Variants in DCDC2C observed in about 807,000 individuals in gnomAD.
The protein encoded by DCDC2C is doublecortin domain-containing protein 2C.
DCDC2C carries 44 observed loss-of-function variants against 45.0 expected under a neutral mutation model. The observed-to-expected ratio is 0.98, with a 90% confidence interval of 0.77 to 1.26. The LOEUF (loss-of-function observed/expected upper bound fraction) is 1.26. Among genes scored for constraint, DCDC2C ranks in the 50% most tolerant of loss-of-function variants. DCDC2C has a pLI of 0.00. For synonymous variants in DCDC2C, 187 were observed against 178.8 expected (o/e 1.05, Z -0.37); for missense variants, 447 against 468.9 (o/e 0.95, Z 0.43).
intron 4 of DCDC2C, among the ~76,000 whole-genome samples, chr2:3,747,642 C>T (rs1208905866): frequency 6.6e-6 from 1 of 152,240 alleles, no homozygotes; most frequent in African/African-American, 2.4e-5. Context: ...TGTGGCCTGA[C>T]CTCGCCCATC....
intron 10 of DCDC2C, among the ~76,000 whole-genome samples, chr2:3,840,848 G>A (rs768728816): frequency 6.6e-5 from 10 of 152,194 alleles, no homozygotes; most frequent in Admixed American, 2.0e-4. Context: ...TGTCCGCCGC[G>A]AGGCCCCGTG....
rs1667952073 is a variant in DCDC2C at position 3,703,973 on chromosome 2, G to A, written c.222G>A (p.Gly74=). ...CCACGCGTGGGCACCGGGTGCTGGG[G>A]CTGGACGCGCTGCAGGCGGGCGGCA... ...FTPTRGHRVL[G]LDALQAGGKY... is the part of the protein sequence containing the mutation. The change falls in exon 1 of 11, where the codon GGG becomes GGA. Residue 74 remains glycine, a synonymous_variant. Transcript: ENST00000399143. The surrounding 1 kb of genome is among the most constrained non-coding windows in gnomAD (Gnocchi z 4.4). 4.6e-6 allele frequency: 6 copies of A among 1,303,556 alleles called. No homozygotes were observed. The highest frequency in any genetic ancestry group is 3.1e-5 in the African/African-American group (2 of 64,758). 80.7% of individuals were successfully genotyped at this position (1,303,556 alleles called of 1,614,324 possible).
intron 3 of DCDC2C, among the ~76,000 whole-genome samples, chr2:3,738,540 G>GGAAAAA (rs1553373461): frequency 1.4e-5 from 1 of 72,010 alleles, no homozygotes; most frequent in African/African-American, 5.5e-5. Flanking sequence ...GTCTATCTGG[G>GGAAAAA]AAAAAAAAAA....
At chr2:3,711,975 A>G (rs6727762) in intron 2 of DCDC2C, among the ~76,000 whole-genome samples, 4,175 of 152,120 alleles carry the variant, frequency 0.027, 179 homozygotes, top group African/African-American at 0.095. Context: ...TCCTGCCCCC[A>G]TTTCCTTTTG....
At chr2:3,711,871 A>G (rs1441473425) in intron 2 of DCDC2C, among the ~76,000 whole-genome samples, 1 of 152,232 alleles carries the variant, frequency 6.6e-6, no homozygotes, top group African/African-American at 2.4e-5. Flanking sequence ...TGCTTCTGAC[A>G]GCGTGTGAGA....
rs1262316472 is a variant in DCDC2C at position 3,829,291 on chromosome 2, T to C, written c.1066-17863T>C. Among the ~76,000 whole-genome samples the C allele has an allele frequency of 1.3e-4, 19 of 151,654 alleles. 1 individual carries two copies. The highest frequency in any genetic ancestry group is 8.5e-4 in the Admixed American group (13 of 15,252). On this transcript the variant is annotated intron_variant, in intron 10 of 10. Transcript: ENST00000399143. ...TTCATTAGATGTCTTTTTCTTTTTT[T>C]TTTTTTTTTGCATTGATTTTAGTCA...
intron 10 of DCDC2C, among the ~76,000 whole-genome samples, chr2:3,788,073 C>T (rs937701370): frequency 6.6e-6 from 1 of 152,234 alleles, no homozygotes; most frequent in Non-Finnish European, 1.5e-5. Context: ...TGGATGTCAT[C>T]TGCTCTGAAT....
chr2:3,751,918 C>T (rs1249514591), intron 4 of DCDC2C, among the ~76,000 whole-genome samples: 1 of 152,164 alleles, frequency 6.6e-6, no homozygotes, highest in African/African-American at 2.4e-5. Flanking sequence ...AATTCAAGGC[C>T]CTTTGGAAAC....
At position 3,744,638 on chromosome 2, in the gene DCDC2C, T is replaced by A. The variant is rs576357193; in HGVS notation, c.545+2590T>A. Among the ~76,000 whole-genome samples the A allele has an allele frequency of 2.6e-5, 4 of 152,354 alleles. No homozygotes were observed. The East Asian group carries it at 5.8e-4, about 22-fold the overall frequency. ...AGCAGAAACAGTTAATCCTGCCTTA[T>A]GCTTTTGTCAGTTAACTCTCCTTTG... is the stretch of plus-strand genomic sequence containing the variant. On this transcript the variant is annotated intron_variant, in intron 4 of 10. Coordinates refer to ENST00000399143, the MANE Select transcript of DCDC2C (RefSeq NM_001287444.2).
At chr2:3,826,293 C>A (rs1042493305) in intron 10 of DCDC2C, among the ~76,000 whole-genome samples, 2 of 152,170 alleles carry the variant, frequency 1.3e-5, no homozygotes, top group African/African-American at 4.8e-5. Context: ...TAAAGTTTTT[C>A]ATGGCTCTTT....
chr2:3,716,299 A>G (rs1043700974), intron 2 of DCDC2C, among the ~76,000 whole-genome samples: 5 of 152,190 alleles, frequency 3.3e-5, no homozygotes, highest in African/African-American at 1.2e-4. Context: ...GAGAAAGTCC[A>G]GGTGAGTGCA....
chr2:3,771,735 T>C (rs557800429), intron 8 of DCDC2C, among the ~76,000 whole-genome samples: 3 of 152,272 alleles, frequency 2.0e-5, no homozygotes, highest in South Asian at 4.1e-4. Flanking sequence ...TGCATCCGAG[T>C]GGGCCAAGCC....
At chr2:3,715,712 A>G (rs1031460370) in intron 2 of DCDC2C, among the ~76,000 whole-genome samples, 3 of 152,204 alleles carry the variant, frequency 2.0e-5, no homozygotes, top group African/African-American at 7.2e-5. Context: ...TATGTGTACT[A>G]AGCCCAACGG....
At chr2:3,846,151 C>T (rs1256748961) in intron 10 of DCDC2C, among the ~76,000 whole-genome samples, 1 of 151,800 alleles carries the variant, frequency 6.6e-6, no homozygotes, top group African/African-American at 2.4e-5. Flanking sequence ...CTTCCTCCTC[C>T]TCCTCCTACT....
At chr2:3,822,980 G>A (rs1377832128) in intron 10 of DCDC2C, among the ~76,000 whole-genome samples, 2 of 152,122 alleles carry the variant, frequency 1.3e-5, no homozygotes, top group African/African-American at 2.4e-5. Context: ...TCCGTGTAAG[G>A]TGTGACTTGT....
At chr2:3,711,841 A>G (rs1668218885) in intron 2 of DCDC2C, among the ~76,000 whole-genome samples, 1 of 152,214 alleles carries the variant, frequency 6.6e-6, no homozygotes, top group East Asian at 1.9e-4. Flanking sequence ...GGATTCCATA[A>G]TATTTCTGAA....
chr2:3,768,854 GT>G (rs1340391044), intron 7 of DCDC2C, among the ~76,000 whole-genome samples: 10 of 152,204 alleles, frequency 6.6e-5, no homozygotes, highest in African/African-American at 2.4e-4. Flanking sequence ...GATTACAGGC[GT>G]GAGCCACTGC....
intron 6 of DCDC2C, among the ~76,000 whole-genome samples, chr2:3,764,482 A>G (rs1669965406): frequency 6.6e-6 from 1 of 152,166 alleles, no homozygotes; most frequent in South Asian, 2.1e-4. Context: ...TAGGCAGGGA[A>G]GTTTGGGAGG....
At chr2:3,715,241 A>G (rs1365717805) in intron 2 of DCDC2C, among the ~76,000 whole-genome samples, 4 of 152,148 alleles carry the variant, frequency 2.6e-5, no homozygotes, top group East Asian at 3.9e-4. Flanking sequence ...TAAGAGATGT[A>G]TAACATATGT....
Sources: gnomAD v4.1 joint callset for allele counts (sites outside exome capture counted in the v4.1 genomes callset) on GRCh38, gnomAD v4.1.1 for gene constraint, Gnocchi (gnomAD v3.1) non-coding constraint, MANE v1.5 for transcripts, NCBI Gene and HGNC (gene_info 2026-07-23, HGNC 2026-07-21) for gene names.